The following CAMK4 variants were observed in gnomAD, a reference collection of about 807,000 sequenced individuals.
CAMK4 encodes calcium/calmodulin dependent protein kinase IV, also known as calcium/calmodulin-dependent protein kinase type IV.
CAMK4 carries 22 observed loss-of-function variants against 44.9 expected under a neutral mutation model. The ratio of observed to expected loss-of-function variants is 0.49; its 90% CI spans 0.35 to 0.70. CAMK4 has a LOEUF of 0.70. Among genes scored for constraint, CAMK4 ranks in the 30% least tolerant of loss-of-function variants. The pLI is 0.01. For synonymous variants in CAMK4, 218 were observed against 215.4 expected, an observed-to-expected ratio of 1.01 and a Z score of -0.11; for missense variants, 498 against 586.8, an observed-to-expected ratio of 0.85 and a Z score of 1.56.
chr5:111,370,281 T>C (rs1330455084), intron 2 of CAMK4, among the ~76,000 whole-genome samples: 2 of 152,170 alleles, frequency 1.3e-5, no homozygotes, highest in Non-Finnish European at 2.9e-5. Context: ...ATCATTTAAC[T>C]CTCAAAGAGC....
In CAMK4 at chr5:111,224,749, A is replaced by C; in HGVS notation, c.161+105A>C. The C allele has an allele frequency of 9.2e-7, 1 of 1,086,654 alleles. No homozygotes were observed. Among genetic ancestry groups the C allele is most frequent in the Non-Finnish European group, 1.3e-6 (1 of 763,694 alleles). 67.3% of individuals were successfully genotyped at this position (1,086,654 alleles called of 1,614,324 possible). On this transcript the variant is annotated intron_variant, in intron 1 of 10. Coordinates refer to ENST00000282356, the MANE Select transcript of CAMK4 (RefSeq NM_001744.6). This position sits in a 1 kb window ranked among gnomAD's most constrained non-coding sequence, Gnocchi z 5.7. ...CGGGAGCCTGCCTTCGTGCCCTTCG[A>C]TTTCTCCCTACCTAGTTAGTGTCTT...
chr5:111,451,955 T>C (rs879256660), intron 7 of CAMK4, among the ~76,000 whole-genome samples: 3 of 152,214 alleles, frequency 2.0e-5, no homozygotes, highest in Non-Finnish European at 2.9e-5. Context: ...CAAATAACTA[T>C]ACTCAATATT....
At chr5:111,405,673 C>T (rs1462252606) in intron 5 of CAMK4, among the ~76,000 whole-genome samples, 1 of 152,050 alleles carries the variant, frequency 6.6e-6, no homozygotes, top group Admixed American at 6.6e-5. Context: ...GGAGACTGGC[C>T]TGGAGGGGCT....
At position 111,488,019 on chromosome 5, in the gene CAMK4, T is replaced by C. The variant is rs1317820387; in HGVS notation, c.*3553T>C. On this transcript the variant is annotated 3_prime_UTR_variant, in exon 11 of 11. Transcript: ENST00000282356. ...CTCTGATTCCTGATGGGCCCTGGAG[T>C]CTTGACTACAGCCTAGAGTCTCCTG... The C allele has an allele frequency of 2.6e-5, 4 of 152,178 alleles. No homozygotes were observed. The South Asian group carries it at 8.3e-4, about 32-fold the overall frequency. 9.4% of individuals were successfully genotyped at this position (152,178 alleles called of 1,614,324 possible). A position where few individuals can be genotyped will look rare whatever the true frequency, so the allele number is the denominator to read the frequency against.
Position 111,449,031 on chromosome 5 carries a change from A to G in CAMK4, c.551-98A>G. On this transcript the variant is annotated intron_variant, in intron 6 of 10. Coordinates refer to ENST00000282356, the MANE Select transcript of CAMK4 (RefSeq NM_001744.6). ...CCCATCATCAAATACAAAAGAAAGC[A>G]AATAGATAAATAAGTTAGTTTTATT... 5.2e-6 allele frequency: 3 copies of G among 574,204 alleles called. No individual in the cohort carries two copies. In the Admixed American group the frequency reaches 9.5e-5, roughly 18 times the overall value. The allele number at this position is 574,204 out of a possible 1,614,324, so 35.6% of individuals were successfully genotyped here.
At chr5:111,315,521 C>T (rs530461674) in intron 1 of CAMK4, among the ~76,000 whole-genome samples, 44 of 152,122 alleles carry the variant, frequency 2.9e-4, no homozygotes, top group Admixed American at 5.2e-4. Context: ...GTGCCTGGCA[C>T]TGGGCTAGGA....
At chr5:111,478,683 A>G (rs1755328451) in intron 9 of CAMK4, among the ~76,000 whole-genome samples, 176 bp downstream of exon 9, 2 of 152,190 alleles carry the variant, frequency 1.3e-5, no homozygotes, top group Admixed American at 6.5e-5. Flanking sequence ...TAAAAACTAG[A>G]TATGTTTTTG....
chr5:111,458,878 G>A (rs1168390678), intron 7 of CAMK4, among the ~76,000 whole-genome samples: 3 of 152,156 alleles, frequency 2.0e-5, no homozygotes, highest in Non-Finnish European at 4.4e-5. Flanking sequence ...GGAATGCAGT[G>A]ACAAGGGCAG....
chr5:111,413,618 G>T (rs1395401074), intron 5 of CAMK4, among the ~76,000 whole-genome samples: 4 of 151,650 alleles, frequency 2.6e-5, no homozygotes, highest in Non-Finnish European at 4.4e-5. Flanking sequence ...GCTATGAATT[G>T]TTGTAAAACT....
intron 5 of CAMK4, among the ~76,000 whole-genome samples, chr5:111,438,699 A>C (rs567123288): frequency 2.7e-4 from 41 of 152,336 alleles, no homozygotes; most frequent in African/African-American, 8.7e-4. Context: ...TAAATGTTCA[A>C]TTTAGGAAGT....
At chr5:111,282,944 A>G (rs917868875) in intron 1 of CAMK4, 1 of 152,278 alleles carries the variant, frequency 6.6e-6, no homozygotes, top group South Asian at 2.1e-4. Flanking sequence ...ACTGCAGAGT[A>G]TCAGTTGTTT....
intron 2 of CAMK4, among the ~76,000 whole-genome samples, chr5:111,351,602 G>A (rs577922267): frequency 8.6e-5 from 13 of 151,638 alleles, no homozygotes; most frequent in African/African-American, 2.9e-4. Flanking sequence ...AGTAGAGATG[G>A]GGTTTCACCG....
chr5:111,426,189 T>A (rs776201422), intron 5 of CAMK4, among the ~76,000 whole-genome samples: 11 of 152,170 alleles, frequency 7.2e-5, no homozygotes, highest in Admixed American at 6.5e-4. Flanking sequence ...GACTTTGAGA[T>A]CTCACATAAG....
intron 7 of CAMK4, among the ~76,000 whole-genome samples, chr5:111,467,508 AAAAC>A: frequency 6.6e-6 from 1 of 152,136 alleles, no homozygotes; most frequent in Non-Finnish European, 1.5e-5. Context: ...CAGCAAGAGG[AAAAC>A]AAACAATCCC....
At chr5:111,285,729 T>C (rs1308547424) in intron 1 of CAMK4, among the ~76,000 whole-genome samples, 1 of 152,244 alleles carries the variant, frequency 6.6e-6, no homozygotes, top group African/African-American at 2.4e-5. Context: ...GAGTTGCTTA[T>C]GTTCCCTGTC....
At chr5:111,471,682 A>G (rs1294254734) in intron 7 of CAMK4, among the ~76,000 whole-genome samples, 1 of 152,218 alleles carries the variant, frequency 6.6e-6, no homozygotes, top group Non-Finnish European at 1.5e-5. Context: ...AAAAATTGTG[A>G]AATTCATGCA....
intron 2 of CAMK4, chr5:111,365,008 C>T (rs919776166): frequency 6.6e-6 from 1 of 152,162 alleles, no homozygotes; most frequent in Non-Finnish European, 1.5e-5. Flanking sequence ...TGCAGTGATC[C>T]TTTCCATTCT....
intron 1 of CAMK4, among the ~76,000 whole-genome samples, chr5:111,317,555 T>A (rs951895764): frequency 2.6e-5 from 4 of 152,166 alleles, no homozygotes; most frequent in Admixed American, 1.3e-4. Context: ...ATTTTTAACA[T>A]GTTTCAGACC....
chr5:111,455,693 C>G (rs889282233), intron 7 of CAMK4, among the ~76,000 whole-genome samples: 4 of 152,210 alleles, frequency 2.6e-5, no homozygotes, highest in African/African-American at 9.6e-5. Context: ...CAGGGATGGG[C>G]TGGCCATATT....
Sources: allele counts gnomAD v4.1 joint callset (sites outside exome capture counted in the v4.1 genomes callset), GRCh38; gene constraint gnomAD v4.1.1; non-coding constraint Gnocchi (gnomAD v3.1); transcripts MANE v1.5; gene names NCBI Gene and HGNC (gene_info 2026-07-23, HGNC 2026-07-21).